The following PRR11 variants were observed in gnomAD, a reference collection of about 807,000 sequenced individuals.
The protein encoded by PRR11 is proline rich 11.
A neutral mutation model predicts 45.6 loss-of-function variants in PRR11; 30 were observed. That is an observed-to-expected ratio of 0.66 (90% CI 0.49 to 0.89). The LOEUF (loss-of-function observed/expected upper bound fraction) is 0.89. Among genes scored for constraint, PRR11 ranks in the 40% least tolerant of loss-of-function variants. The pLI is 0.00. For synonymous variants in PRR11, 128 were observed against 153.5 expected, an observed-to-expected ratio of 0.83 and a Z score of 1.23; for missense variants, 373 against 424.8, an observed-to-expected ratio of 0.88 and a Z score of 1.07.
At chr17:59,197,877 T>C (rs2046874470) in intron 9 of PRR11, 88 bp downstream of exon 9, 2 of 1,181,744 alleles carry the variant, frequency 1.7e-6, no homozygotes, top group African/African-American at 3.0e-5. Context: ...CCTAACACTT[T>C]GGGAGGCTGA....
At position 59,197,852 on chromosome 17, in the gene PRR11, G is replaced by A. The variant is rs545117998; in HGVS notation, c.1014+63G>A. On this transcript the variant is annotated intron_variant, in intron 9 of 9. Transcript: ENST00000262293. Reference sequence around the variant, plus strand: ...GAAAATAATTTGGCCTGGTGTGGTGGCTCATGACTGTAATCCTAACACTTT... The same window carrying A: ...GAAAATAATTTGGCCTGGTGTGGTGACTCATGACTGTAATCCTAACACTTT... The A allele has an allele frequency of 1.3e-5, 18 of 1,414,548 alleles. No homozygotes were observed. In the Admixed American group the frequency reaches 1.5e-4, roughly 12 times the overall value. 87.6% of individuals were successfully genotyped at this position (1,414,548 alleles called of 1,614,324 possible). A position where few individuals can be genotyped will look rare whatever the true frequency, so the allele number is the denominator to read the frequency against.
rs189998219 is a variant in PRR11 at position 59,202,234 on chromosome 17, A to G, written c.*603A>G. 3 of 153,718 alleles carry G rather than the reference A, an allele frequency of 2.0e-5. No homozygotes were observed. The highest frequency in any genetic ancestry group is 1.9e-4 in the East Asian group (1 of 5,234). The allele number at this position is 153,718 out of a possible 1,614,324, so 9.5% of individuals were successfully genotyped here. Reference sequence around the variant, plus strand: ...TTAGAGAGGTTGTTCAAATTTAACTAGATAACTCTAGTTTGTACTGTATAG... The same window carrying G: ...TTAGAGAGGTTGTTCAAATTTAACTGGATAACTCTAGTTTGTACTGTATAG... On this transcript the variant is annotated 3_prime_UTR_variant, in exon 10 of 10. Coordinates refer to ENST00000262293, the MANE Select transcript of PRR11 (RefSeq NM_018304.4).
At chr17:59,178,422 C>A (rs2046761074) in intron 2 of PRR11, 1 of 485,406 alleles carries the variant, frequency 2.1e-6, no homozygotes, top group Non-Finnish European at 4.1e-6. Context: ...TGCACCCTCC[C>A]CCTGGCAGTG....
chr17:59,172,554 C>T (rs1211647275), intron 2 of PRR11, among the ~76,000 whole-genome samples: 9 of 152,172 alleles, frequency 5.9e-5, no homozygotes, highest in Admixed American at 4.6e-4. Context: ...CGGGGCTGCG[C>T]GCTGCGCTTG....
intron 1 of PRR11, among the ~76,000 whole-genome samples, chr17:59,161,308 G>A (rs1024252349): frequency 6.6e-6 from 1 of 151,762 alleles, no homozygotes; most frequent in African/African-American, 2.4e-5. Flanking sequence ...TCGGGAGACT[G>A]AGGCAGGAGA....
intron 4 of PRR11, among the ~76,000 whole-genome samples, chr17:59,186,807 A>G (rs1253425750): frequency 2.0e-5 from 3 of 152,232 alleles, no homozygotes; most frequent in African/African-American, 7.2e-5. Flanking sequence ...TATTGAATAT[A>G]TAAAGAACCA....
chr17:59,172,930 G>A (rs1457101268), intron 2 of PRR11, among the ~76,000 whole-genome samples: 1 of 152,262 alleles, frequency 6.6e-6, no homozygotes, highest in Admixed American at 6.5e-5. Context: ...CTGGCAGGCA[G>A]CTCCAACTGC....
At chr17:59,189,974 T>TA (rs879329681) in intron 4 of PRR11, among the ~76,000 whole-genome samples, 212 of 145,212 alleles carry the variant, frequency 1.5e-3, no homozygotes, top group Admixed American at 2.0e-3. Context: ...ACCCTGTCTC[T>TA]AAAAAAAAAA....
intron 2 of PRR11, among the ~76,000 whole-genome samples, chr17:59,179,256 G>C (rs1040719371): frequency 3.3e-5 from 5 of 152,110 alleles, no homozygotes; most frequent in Admixed American, 3.3e-4. Flanking sequence ...AAAGTGCTGG[G>C]ATTACAGGTT....
chr17:59,191,472 G>C (rs760750199), intron 4 of PRR11, among the ~76,000 whole-genome samples: 2 of 151,986 alleles, frequency 1.3e-5, no homozygotes, highest in Non-Finnish European at 2.9e-5. Context: ...ACCTGCCTCA[G>C]CCTCCCAAGG....
intron 9 of PRR11, 70 bp from the exon 10 acceptor site, chr17:59,201,493 T>G: frequency 2.0e-6 from 3 of 1,516,910 alleles, no homozygotes; most frequent in Non-Finnish European, 2.7e-6. Flanking sequence ...TGGGTTCTGT[T>G]GAGAAAGGAG....
In PRR11 at chr17:59,186,381, A is replaced by ATTTTTT. The variant is rs59082405; in HGVS notation, c.402+847_402+852dup. On this transcript the variant is annotated intron_variant, in intron 4 of 9. Transcript: ENST00000262293. Reference sequence around the variant, plus strand: ...AAAAAAATTTTGCCAGCTGTTTGTAATTTTTTTTTTTTTTTTTTTTTTTTT... The same window carrying ATTTTTT: ...AAAAAAATTTTGCCAGCTGTTTGTAATTTTTTTTTTTTTTTTTTTTTTTTTTTTTTT... Among the ~76,000 whole-genome samples the ATTTTTT allele has an allele frequency of 2.9e-3, 248 of 84,640 alleles. 13 individuals carry two copies. Among genetic ancestry groups the ATTTTTT allele is most frequent in the Middle Eastern group, 0.013 (1 of 80 alleles). The allele number at this position is 84,640 out of a possible 152,430, so 55.5% of individuals were successfully genotyped here. A position where few individuals can be genotyped will look rare whatever the true frequency, so the allele number is the denominator to read the frequency against.
At chr17:59,198,195 T>C (rs1451256493) in intron 9 of PRR11, among the ~76,000 whole-genome samples, 1 of 152,136 alleles carries the variant, frequency 6.6e-6, no homozygotes, top group Non-Finnish European at 1.5e-5. Flanking sequence ...TGGTACCGTA[T>C]TTTGCAAAGT....
In PRR11 at chr17:59,205,313, G is replaced by A. The variant is rs1479517950; in HGVS notation, c.*3682G>A. ...CAACCAGAGAATGTAAACAACCAAGGTGCATCTGGTTATGTTTTAAAATAA... is the reference window on the plus strand; with the variant it reads ...CAACCAGAGAATGTAAACAACCAAGATGCATCTGGTTATGTTTTAAAATAA... On this transcript the variant is annotated 3_prime_UTR_variant, in exon 10 of 10. Transcript: ENST00000262293. Among the ~76,000 whole-genome samples, 1 of 151,868 alleles carries A rather than the reference G, an allele frequency of 6.6e-6. No individual in the cohort carries two copies.
chr17:59,185,960 A>C (rs1215068710), intron 4 of PRR11, among the ~76,000 whole-genome samples: 1 of 152,224 alleles, frequency 6.6e-6, no homozygotes, highest in Non-Finnish European at 1.5e-5. Context: ...CTAATCACTT[A>C]TGAGACAAAG....
At chr17:59,177,179 A>G (rs1271575864) in intron 2 of PRR11, 8 of 548,920 alleles carry the variant, frequency 1.5e-5, no homozygotes, top group South Asian at 8.3e-5. Context: ...AGAGCCAGGA[A>G]TAAATGAATG....
chr17:59,197,860 CTG>C, intron 9 of PRR11, 71 bp downstream of exon 9: 1 of 1,354,996 alleles, frequency 7.4e-7, no homozygotes, highest in Non-Finnish European at 1.1e-6. Flanking sequence ...TGGCTCATGA[CTG>C]TAATCCTAAC....
At chr17:59,170,520 G>A (rs1427401560) in intron 2 of PRR11, among the ~76,000 whole-genome samples, 1 of 151,904 alleles carries the variant, frequency 6.6e-6, no homozygotes, top group South Asian at 2.1e-4. Flanking sequence ...TTCCCACTCT[G>A]TCTCCAAAAC....
At chr17:59,172,472 T>A (rs1016783973) in intron 2 of PRR11, among the ~76,000 whole-genome samples, 1 of 152,212 alleles carries the variant, frequency 6.6e-6, no homozygotes, top group Admixed American at 6.5e-5. Context: ...AGCCCCTTTC[T>A]GGGCTGGCCA....
Sources: gnomAD v4.1 joint callset for allele counts (sites outside exome capture counted in the v4.1 genomes callset) on GRCh38, gnomAD v4.1.1 for gene constraint, MANE v1.5 for transcripts, NCBI Gene and HGNC (gene_info 2026-07-23, HGNC 2026-07-21) for gene names.